NRCAM: variants seen among roughly 807,000 people sequenced by gnomAD.
The protein encoded by NRCAM is neuronal cell adhesion molecule.
NRCAM carries 83 observed loss-of-function variants against 156.5 expected under a neutral mutation model. The observed-to-expected ratio is 0.53, with a 90% CI of 0.44 to 0.64. The LOEUF (loss-of-function observed/expected upper bound fraction) is 0.64, where lower values mean the gene tolerates loss of function less well. Among genes scored for constraint, NRCAM ranks in the 30% least tolerant of loss-of-function variants. The pLI is 0.00. For missense variants in NRCAM, 1,417 were observed against 1,597.3 expected (o/e 0.89, Z 1.92); for synonymous variants, 538 against 563.9 (o/e 0.95, Z 0.65).
At chr7:108,229,740 G>C (rs956955533) in intron 8 of NRCAM, among the ~76,000 whole-genome samples, 2 of 151,968 alleles carry the variant, frequency 1.3e-5, no homozygotes, top group Non-Finnish European at 2.9e-5. Flanking sequence ...ATATCTTACA[G>C]GCCTCTCACA....
chr7:108,314,992 C>G (rs1420927189), intron 2 of NRCAM, among the ~76,000 whole-genome samples: 1 of 151,876 alleles, frequency 6.6e-6, no homozygotes, highest in Non-Finnish European at 1.5e-5. Context: ...AGATATCAAG[C>G]CTTTGATTGC....
chr7:108,378,170 G>C (rs972846289), intron 2 of NRCAM, among the ~76,000 whole-genome samples: 2 of 152,036 alleles, frequency 1.3e-5, no homozygotes, highest in Non-Finnish European at 2.9e-5. Context: ...TTCCTATGTT[G>C]GAATACTAAA....
chr7:108,165,167 A>G (rs2053111675), intron 30 of NRCAM, among the ~76,000 whole-genome samples: 2 of 152,220 alleles, frequency 1.3e-5, no homozygotes, highest in South Asian at 4.1e-4. Context: ...GGATATACCA[A>G]GTGTTGACCG....
chr7:108,305,782 T>TC (rs2098706408), intron 3 of NRCAM, among the ~76,000 whole-genome samples: 1 of 152,236 alleles, frequency 6.6e-6, no homozygotes, highest in Admixed American at 6.5e-5. Context: ...ACATGTATAC[T>TC]CCCTCTTAGA....
chr7:108,420,854 C>T (rs1449220716), intron 1 of NRCAM, among the ~76,000 whole-genome samples: 3 of 152,110 alleles, frequency 2.0e-5, no homozygotes, highest in Non-Finnish European at 2.9e-5. Flanking sequence ...AAGCATCTTT[C>T]AAAATCTTGT....
chr7:108,208,472 C>T (rs1369027234), intron 12 of NRCAM, among the ~76,000 whole-genome samples: 2 of 152,130 alleles, frequency 1.3e-5, no homozygotes, highest in African/African-American at 2.4e-5. Context: ...TGACCATGGT[C>T]TAGTTACCTA....
intron 2 of NRCAM, 25 bp from the exon 3 acceptor site, chr7:108,312,756 C>T (rs955493951): frequency 9.2e-5 from 14 of 152,080 alleles, no homozygotes; most frequent in East Asian, 1.9e-4. Context: ...ATGGGAGAAA[C>T]GTTAACACGA....
intron 1 of NRCAM, among the ~76,000 whole-genome samples, chr7:108,416,038 G>C (rs912611678): frequency 6.6e-6 from 1 of 152,218 alleles, no homozygotes; most frequent in African/African-American, 2.4e-5. Flanking sequence ...TCCTCTGAGA[G>C]ATGCTGCAAA....
At chr7:108,455,634 G>C (rs921680106) in intron 1 of NRCAM, among the ~76,000 whole-genome samples, 1 of 152,184 alleles carries the variant, frequency 6.6e-6, no homozygotes, top group Admixed American at 6.5e-5. Flanking sequence ...TCCAGGCAGC[G>C]ACTGGAGAAG....
intron 2 of NRCAM, among the ~76,000 whole-genome samples, chr7:108,321,322 T>C (rs2154208773): frequency 6.6e-6 from 1 of 152,332 alleles, no homozygotes; most frequent in East Asian, 1.9e-4. Flanking sequence ...GGTTTATTTT[T>C]GGCTCATGGT....
At chr7:108,176,787 T>C (rs540012915) in intron 26 of NRCAM, 181 bp from the exon 27 acceptor site, 5 of 538,004 alleles carry the variant, frequency 9.3e-6, no homozygotes, top group Admixed American at 3.5e-5. Context: ...CTATGTTCTA[T>C]CATATCGTAT....
At chr7:108,427,407 G>C (rs911918064) in intron 1 of NRCAM, among the ~76,000 whole-genome samples, 8 of 152,264 alleles carry the variant, frequency 5.3e-5, no homozygotes, top group African/African-American at 1.9e-4. Flanking sequence ...GCACATTACA[G>C]GTGTTTCATA....
intron 20 of NRCAM, among the ~76,000 whole-genome samples, chr7:108,187,440 T>A (rs2153408467): frequency 1.3e-5 from 2 of 152,320 alleles, no homozygotes; most frequent in East Asian, 3.9e-4. Context: ...CATAGTGTGC[T>A]CACTGACCTC....
rs149345151 is a variant in NRCAM, at chr7:108,148,508, G to A, written c.*1402C>T. 6.5e-6 allele frequency: 1 copy of A among 152,716 alleles called. No homozygotes were observed. The highest frequency in any genetic ancestry group is 2.4e-5 in the African/African-American group (1 of 41,568). The allele number at this position is 152,716 out of a possible 1,614,324, so 9.5% of individuals were successfully genotyped here. On this transcript the variant is annotated 3_prime_UTR_variant, in exon 33 of 33. Transcript: ENST00000379028. ...TTGTTATAGATTTTCATATTTGGAG[G>A]TAACCCATTTGATAGATATTGTTTA...
intron 1 of NRCAM, among the ~76,000 whole-genome samples, chr7:108,416,589 A>ATT (rs879618428): frequency 1.8e-3 from 270 of 150,918 alleles, no homozygotes; most frequent in African/African-American, 3.1e-3. Flanking sequence ...AAATAATTAA[A>ATT]AAAAAAAAGT....
intron 3 of NRCAM, among the ~76,000 whole-genome samples, chr7:108,308,138 T>C (rs2098746082): frequency 6.6e-6 from 1 of 152,234 alleles, no homozygotes. Flanking sequence ...ATAACTTTCA[T>C]TTGGAATAAG....
intron 1 of NRCAM, among the ~76,000 whole-genome samples, chr7:108,403,468 T>G (rs2099798697): frequency 6.6e-6 from 1 of 152,284 alleles, no homozygotes; most frequent in South Asian, 2.1e-4. Flanking sequence ...GAAAATCAAA[T>G]TGTTAGTAAA....
intron 13 of NRCAM, among the ~76,000 whole-genome samples, chr7:108,203,898 G>A (rs567747138): frequency 1.3e-5 from 2 of 152,328 alleles, no homozygotes; most frequent in East Asian, 3.9e-4. Context: ...TGGCGCCTAT[G>A]CTAGGACCCC....
chr7:108,384,769 T>C (rs2099734567), intron 2 of NRCAM, among the ~76,000 whole-genome samples: 1 of 152,224 alleles, frequency 6.6e-6, no homozygotes, highest in African/African-American at 2.4e-5. Flanking sequence ...TGCTGGTTTA[T>C]TGACCAAGCT....
Sources: allele counts gnomAD v4.1 joint callset (sites outside exome capture counted in the v4.1 genomes callset), GRCh38; gene constraint gnomAD v4.1.1; transcripts MANE v1.5; gene names NCBI Gene and HGNC (gene_info 2026-07-23, HGNC 2026-07-21).